Variants in MAML2 observed in about 807,000 individuals in gnomAD.
MAML2 encodes mastermind like transcriptional coactivator 2, also known as mastermind-like protein 2.
A neutral mutation model predicts 96.1 loss-of-function variants in MAML2; 22 were observed. The ratio of observed to expected loss-of-function variants is 0.23; its 90% CI spans 0.16 to 0.33. The LOEUF is 0.33. Ranked by LOEUF, MAML2 falls within the 10% of genes least tolerant of loss-of-function variation. MAML2 has a pLI of 1.00. For synonymous variants in MAML2, 561 were observed against 521.3 expected (o/e 1.08, Z -1.04); for missense variants, 1,367 against 1,392.4 (o/e 0.98, Z 0.29).
At chr11:96,274,432 C>A (rs1474886885) in intron 1 of MAML2, among the ~76,000 whole-genome samples, 2 of 152,230 alleles carry the variant, frequency 1.3e-5, no homozygotes, top group East Asian at 3.9e-4. Flanking sequence ...CATCTTTACA[C>A]GTCTCTTTCT....
intron 2 of MAML2, among the ~76,000 whole-genome samples, chr11:96,028,031 C>T (rs1452945738): frequency 6.6e-6 from 1 of 152,058 alleles, no homozygotes; most frequent in African/African-American, 2.4e-5. Flanking sequence ...AGCACCTGGC[C>T]CATTTTTCTT....
chr11:96,259,339 T>C (rs969427146), intron 1 of MAML2, among the ~76,000 whole-genome samples: 3 of 152,176 alleles, frequency 2.0e-5, no homozygotes, highest in Admixed American at 2.0e-4. Flanking sequence ...CATTTTCCCC[T>C]TGCAACCGTA....
chr11:96,282,292 T>A (rs1217326849), intron 1 of MAML2, among the ~76,000 whole-genome samples: 1 of 151,732 alleles, frequency 6.6e-6, no homozygotes, highest in African/African-American at 2.4e-5. Flanking sequence ...ACTGCATGTA[T>A]GTACTTGGCA....
chr11:96,104,939 A>G (rs1859998894), intron 1 of MAML2, among the ~76,000 whole-genome samples: 1 of 152,206 alleles, frequency 6.6e-6, no homozygotes, highest in South Asian at 2.1e-4. Context: ...GAAACAACCC[A>G]TAACCTTCCA....
chr11:96,093,567 T>C, intron 1 of MAML2, 50 bp from the exon 2 acceptor site: 2 of 1,234,046 alleles, frequency 1.6e-6, no homozygotes, highest in Non-Finnish European at 2.3e-6. Flanking sequence ...ATGAATCCAA[T>C]GATGCTTCTC....
At position 95,979,182 on chromosome 11, in the gene MAML2, T is replaced by C; in HGVS notation, c.3237A>G (p.Pro1079=). Residue 1079 remains proline, a synonymous_variant, in exon 5 of 5, where the codon CCA becomes CCG. Transcript: ENST00000524717. ...LNQSRTGINQ[P]PSLTPSNFPS... ...GAAAATTGCTGGGCGTCAGGGATGG[T>C]GGCTGGTTGATGCCCGTCCTCGACT... The C allele has an allele frequency of 1.9e-6, 3 of 1,614,014 alleles. No homozygotes were observed. Among genetic ancestry groups the C allele is most frequent in the Non-Finnish European group, 2.5e-6 (3 of 1,179,892 alleles).
intron 1 of MAML2, among the ~76,000 whole-genome samples, chr11:96,144,244 T>C (rs1382157277): frequency 6.6e-6 from 1 of 152,206 alleles, no homozygotes; most frequent in Non-Finnish European, 1.5e-5. Context: ...TAACATTAAT[T>C]AGAGTCTCAA....
chr11:95,980,011 C>T (rs74393839), intron 4 of MAML2, 48 bp from the exon 5 acceptor site: 144,763 of 1,436,934 alleles, frequency 0.1, 8,388 homozygotes, highest in Admixed American at 0.25. Context: ...CATGTTATCT[C>T]CTCTGTAACT....
intron 1 of MAML2, among the ~76,000 whole-genome samples, chr11:96,102,292 C>A (rs758357553): frequency 6.6e-6 from 1 of 151,950 alleles, no homozygotes; most frequent in South Asian, 2.1e-4. Flanking sequence ...AAAACAAAAA[C>A]AACAACAACA....
rs998732454 is a variant in MAML2, at chr11:95,977,231, A to G, written c.*1717T>C. The stretch of plus-strand genomic sequence containing the variant: ...CCTTTTGATAGTATATTTATTTCAC[A>G]TATGTATAAATATAACCCAAAGAAT... On this transcript the variant is annotated 3_prime_UTR_variant, in exon 5 of 5. Coordinates refer to ENST00000524717, the MANE Select transcript of MAML2 (RefSeq NM_032427.4). 3 of 184,846 alleles carry G rather than the reference A, an allele frequency of 1.6e-5. No individual in the cohort carries two copies. Among genetic ancestry groups the G allele is most frequent in the African/African-American group, 7.0e-5 (3 of 42,644 alleles). The allele number at this position is 184,846 out of a possible 1,614,324, so 11.5% of individuals were successfully genotyped here. A position where few individuals can be genotyped will look rare whatever the true frequency, so the allele number is the denominator to read the frequency against.
rs945109040 is a variant in MAML2, at chr11:96,108,980, A to G, written c.514-15463T>C. On this transcript the variant is annotated intron_variant, in intron 1 of 4. Coordinates refer to ENST00000524717, the MANE Select transcript of MAML2 (RefSeq NM_032427.4). Reference sequence around the variant, plus strand: ...CCAAGAGAACAAGGCTGCAGTGATCATGCCACTGCACAACAGCCTGGGCAA... The same window carrying G: ...CCAAGAGAACAAGGCTGCAGTGATCGTGCCACTGCACAACAGCCTGGGCAA... Among the ~76,000 whole-genome samples the G allele has an allele frequency of 4.6e-5, 7 of 151,730 alleles. 2 individuals carry two copies. The highest frequency in any genetic ancestry group is 3.9e-4 in the Admixed American group (6 of 15,204).
intron 1 of MAML2, among the ~76,000 whole-genome samples, chr11:96,280,418 A>T (rs1863048455): frequency 6.6e-6 from 1 of 152,096 alleles, no homozygotes; most frequent in Admixed American, 6.5e-5. Flanking sequence ...ACTGTTAATG[A>T]ACTTTCTTTC....
chr11:96,074,163 G>T (rs1261776046), intron 2 of MAML2, among the ~76,000 whole-genome samples: 1 of 152,136 alleles, frequency 6.6e-6, no homozygotes, highest in Non-Finnish European at 1.5e-5. Flanking sequence ...AAAAGTCTGA[G>T]GACCACTCAA....
chr11:96,113,975 C>T (rs1301415366), intron 1 of MAML2, among the ~76,000 whole-genome samples: 1 of 151,966 alleles, frequency 6.6e-6, no homozygotes, highest in African/African-American at 2.4e-5. Context: ...TTTGATGAAG[C>T]CCCGCTCTAG....
At chr11:96,129,608 T>C (rs1238686470) in intron 1 of MAML2, among the ~76,000 whole-genome samples, 1 of 152,172 alleles carries the variant, frequency 6.6e-6, no homozygotes, top group Non-Finnish European at 1.5e-5. Flanking sequence ...ATTTTTTGTT[T>C]TGTTTTGTTT....
At chr11:96,041,839 T>C (rs1858815900) in intron 2 of MAML2, among the ~76,000 whole-genome samples, 1 of 152,166 alleles carries the variant, frequency 6.6e-6, no homozygotes, top group East Asian at 1.9e-4. Context: ...GGACAGAGTT[T>C]CACTTTGTTG....
chr11:96,120,476 C>A (rs1860318657), intron 1 of MAML2, among the ~76,000 whole-genome samples: 1 of 152,176 alleles, frequency 6.6e-6, no homozygotes, highest in South Asian at 2.1e-4. Flanking sequence ...AGCCAGAAGC[C>A]CAGATCCTGA....
At chr11:96,085,132 C>G (rs1402085780) in intron 2 of MAML2, among the ~76,000 whole-genome samples, 2 of 151,932 alleles carry the variant, frequency 1.3e-5, no homozygotes, top group Non-Finnish European at 2.9e-5. Flanking sequence ...CCAGAGTTCT[C>G]TAATTAGTAT....
At chr11:96,003,339 A>AT (rs1487103433) in intron 2 of MAML2, among the ~76,000 whole-genome samples, 1 of 152,098 alleles carries the variant, frequency 6.6e-6, no homozygotes, top group Non-Finnish European at 1.5e-5. Flanking sequence ...GAGGGCCTGC[A>AT]TTTTTTATCT....
Sources: allele counts gnomAD v4.1 joint callset (sites outside exome capture counted in the v4.1 genomes callset), GRCh38; gene constraint gnomAD v4.1.1; transcripts MANE v1.5; gene names NCBI Gene and HGNC (gene_info 2026-07-23, HGNC 2026-07-21).